The following EIF3CL variants were observed in gnomAD, a reference collection of about 807,000 sequenced individuals.
EIF3CL encodes the protein eukaryotic translation initiation factor 3 subunit C-like protein.
For missense variants in EIF3CL, 5 were observed against 56.1 expected, an observed-to-expected ratio of 0.09 and a Z score of 2.91; for synonymous variants, 2 against 19.6, an observed-to-expected ratio of 0.10 and a Z score of 2.37.
chr16:28,414,800 G>T, the EIF3CL span: 2 of 468,812 alleles, frequency 4.3e-6, 1 homozygote, highest in South Asian at 3.1e-5. Context: ...GAGGTGACGA[G>T]TTCCCCCTGA....
At chr16:28,406,235 G>GTA (rs1238590023), upstream of EIF3CL, among the ~76,000 whole-genome samples, 2 of 24,454 alleles carry the variant, frequency 8.2e-5, no homozygotes, top group East Asian at 1.2e-3. Context: ...ATGTGTGTAT[G>GTA]TATATATATA....
the EIF3CL span, among the ~76,000 whole-genome samples, chr16:28,418,622 G>A: frequency 7.5e-6 from 1 of 134,006 alleles, no homozygotes; most frequent in Non-Finnish European, 1.7e-5. Context: ...TATGCTAAAC[G>A]CCTGCCCATT....
chr16:28,414,700 C>A, the EIF3CL span: 5 of 361,214 alleles, frequency 1.4e-5, no homozygotes, highest in Non-Finnish European at 2.2e-5. Flanking sequence ...TGGGGCTGCG[C>A]CAAGCTGCGC....
At chr16:28,418,712 C>T in the EIF3CL span, among the ~76,000 whole-genome samples, 3 of 151,938 alleles carry the variant, frequency 2.0e-5, no homozygotes, top group Middle Eastern at 3.4e-3. Context: ...TCACTGAAGC[C>T]TCTGCCTCCC....
At chr16:28,412,759 TAACA>T in the EIF3CL span, among the ~76,000 whole-genome samples, 1 of 68,656 alleles carries the variant, frequency 1.5e-5, no homozygotes, top group Non-Finnish European at 2.7e-5. Flanking sequence ...CAGGCTGCTA[TAACA>T]AAATACCATA....
chr16:28,417,132 G>C, the EIF3CL span, among the ~76,000 whole-genome samples: 1 of 134,034 alleles, frequency 7.5e-6, no homozygotes, highest in Non-Finnish European at 1.6e-5. Flanking sequence ...GCCCGGTCCG[G>C]GAGGGAGGTT....
chr16:28,417,326 C>T, the EIF3CL span, among the ~76,000 whole-genome samples: 1 of 145,970 alleles, frequency 6.9e-6, no homozygotes, highest in Non-Finnish European at 1.5e-5. Flanking sequence ...TGCCCAACAG[C>T]TCATTGAGAA....
the EIF3CL span, among the ~76,000 whole-genome samples, chr16:28,415,836 CTCTCCCTCTCCCTCTCCG>C: frequency 9.0e-6 from 1 of 110,928 alleles, no homozygotes. Flanking sequence ...CTCCCTCTCC[CTCTCCCTCTCCCTCTCCG>C]TCTCCGTCTC....
chr16:28,415,854 G>A, the EIF3CL span, among the ~76,000 whole-genome samples: 4 of 83,704 alleles, frequency 4.8e-5, no homozygotes, highest in African/African-American at 4.4e-5. Context: ...CTCCCTCTCC[G>A]TCTCCGTCTC....
At chr16:28,415,954 C>CTGCCTGAT in the EIF3CL span, among the ~76,000 whole-genome samples, 1 of 76,884 alleles carries the variant, frequency 1.3e-5, no homozygotes, top group Non-Finnish European at 2.6e-5. Flanking sequence ...TGCAACCTCC[C>CTGCCTGAT]TGCCTGATTC....
At chr16:28,405,747 G>GA (rs569486966), upstream of EIF3CL, among the ~76,000 whole-genome samples, 5,238 of 142,328 alleles carry the variant, frequency 0.037, no homozygotes, top group African/African-American at 0.13. Context: ...AAATATACAG[G>GA]AAAAAATGTT....
chr16:28,416,919 C>G, the EIF3CL span, among the ~76,000 whole-genome samples: 4 of 97,604 alleles, frequency 4.1e-5, no homozygotes, highest in Non-Finnish European at 8.8e-5. Flanking sequence ...CCAGCCGCCC[C>G]GTCTGGGAGG....
chr16:28,417,773 G>T, the EIF3CL span, among the ~76,000 whole-genome samples: 1 of 132,250 alleles, frequency 7.6e-6, no homozygotes, highest in Non-Finnish European at 1.6e-5. Context: ...CCATGACCCT[G>T]CCAAATCCCC....
the EIF3CL span, chr16:28,414,476 T>G: frequency 1.4e-5 from 4 of 282,334 alleles, no homozygotes; most frequent in Non-Finnish European, 2.7e-5. Flanking sequence ...TACCTGGTCA[T>G]CTGGTGTGCT....
the EIF3CL span, chr16:28,414,787 G>A: frequency 7.0e-5 from 32 of 455,774 alleles, 2 homozygotes; most frequent in Middle Eastern, 3.8e-4. Context: ...CCTGGAACCC[G>A]TGGAGGTGAC....
At chr16:28,419,255 C>T in the EIF3CL span, among the ~76,000 whole-genome samples, 2 of 151,042 alleles carry the variant, frequency 1.3e-5, no homozygotes, top group Admixed American at 6.6e-5. Context: ...ATCCGCCTGC[C>T]TTGGCCTCCC....
At chr16:28,417,225 C>A in the EIF3CL span, among the ~76,000 whole-genome samples, 5 of 149,240 alleles carry the variant, frequency 3.4e-5, 1 homozygote, top group African/African-American at 1.3e-4. Context: ...GCGAGCCGCC[C>A]CATCCGGGAA....
At chr16:28,422,683 A>G in the EIF3CL span, among the ~76,000 whole-genome samples, 3 of 146,402 alleles carry the variant, frequency 2.0e-5, no homozygotes, top group African/African-American at 7.6e-5. Flanking sequence ...AAATACAAAA[A>G]AAAATTAGCC....
chr16:28,417,845 T>C, the EIF3CL span, among the ~76,000 whole-genome samples: 9 of 114,360 alleles, frequency 7.9e-5, no homozygotes, highest in Non-Finnish European at 5.7e-5. Context: ...AAAAAAAAAC[T>C]CAAATAAAGT....
Sources: gnomAD v4.1 joint callset for allele counts (sites outside exome capture counted in the v4.1 genomes callset) on GRCh38, gnomAD v4.1.1 for gene constraint, MANE v1.5 for transcripts, NCBI Gene and HGNC (gene_info 2026-07-23, HGNC 2026-07-21) for gene names.